The following EML6 variants were observed in gnomAD, a reference collection of about 807,000 sequenced individuals.
EML6 encodes echinoderm microtubule-associated protein-like 6.
In EML6, 154 loss-of-function variants were observed where a neutral mutation model predicts 240.1. The ratio of observed to expected loss-of-function variants is 0.64; its 90% CI spans 0.56 to 0.73. EML6 has a LOEUF of 0.73. Ranked by LOEUF, EML6 falls within the 30% of genes least tolerant of loss-of-function variation. The pLI is 0.00. For missense variants in EML6, 2,964 were observed against 2,474.6 expected, an observed-to-expected ratio of 1.20 and a Z score of -4.20; for synonymous variants, 1,148 against 899.0, an observed-to-expected ratio of 1.28 and a Z score of -4.95.
At position 54,923,367 on chromosome 2, in the gene EML6, GCACACACA is replaced by G. The variant is rs113101367; in HGVS notation, c.3676-4915_3676-4908del. Among the ~76,000 whole-genome samples, 375 of 144,456 alleles carry G rather than the reference GCACACACA, an allele frequency of 2.6e-3. 1 individual carries two copies. The highest frequency in any genetic ancestry group is 7.8e-3 in the African/African-American group (303 of 39,014). 94.8% of individuals were successfully genotyped at this position (144,456 alleles called of 152,430 possible). A position where few individuals can be genotyped will look rare whatever the true frequency, so the allele number is the denominator to read the frequency against. On this transcript the variant is annotated intron_variant, in intron 26 of 41. Coordinates refer to ENST00000356458, the MANE Select transcript of EML6 (RefSeq NM_001039753.4). ...TAGATCCTAAGTGTCCTCACCAAACGCACACACACACACACACACACACACACACACAC... is the reference window on the plus strand; with the variant it reads ...TAGATCCTAAGTGTCCTCACCAAACGCACACACACACACACACACACACAC...
chr2:54,950,611 T>G, intron 29 of EML6, 39 bp from the exon 30 acceptor site: 2 of 1,548,576 alleles, frequency 1.3e-6, no homozygotes, highest in Admixed American at 2.0e-5. Flanking sequence ...CTCCCTTCCT[T>G]CCTCTGAGGG....
chr2:54,891,369 GA>G (rs762499748), intron 18 of EML6, among the ~76,000 whole-genome samples: 30 of 152,190 alleles, frequency 2.0e-4, no homozygotes, highest in Non-Finnish European at 4.1e-4. Context: ...GAAAGCTTTG[GA>G]AAATGTTCTG....
At chr2:54,853,587 A>G (rs1209846477) in intron 10 of EML6, 56 bp from the exon 11 acceptor site, 1 of 1,105,180 alleles carries the variant, frequency 9.0e-7, no homozygotes, top group East Asian at 2.8e-5. Context: ...CTTTATAAAA[A>G]ATAAATTAGA....
chr2:54,902,990 T>A, intron 22 of EML6, 54 bp from the exon 23 acceptor site: 1 of 1,496,696 alleles, frequency 6.7e-7, no homozygotes, highest in Non-Finnish European at 9.1e-7. Context: ...TTCATGTGGT[T>A]TGCTTGACAG....
chr2:54,734,207 G>A (rs568287113), intron 2 of EML6, among the ~76,000 whole-genome samples: 17 of 152,250 alleles, frequency 1.1e-4, no homozygotes, highest in Middle Eastern at 3.4e-3. Context: ...GCATGATGGC[G>A]GGTGCCTGTA....
intron 2 of EML6, among the ~76,000 whole-genome samples, chr2:54,807,541 C>T (rs185457849): frequency 3.9e-5 from 6 of 152,144 alleles, no homozygotes. Flanking sequence ...TGTAAATATA[C>T]CCACTATGGC....
intron 8 of EML6, among the ~76,000 whole-genome samples, chr2:54,844,619 G>T (rs1311057580): frequency 6.6e-6 from 1 of 152,156 alleles, no homozygotes; most frequent in Non-Finnish European, 1.5e-5. Flanking sequence ...TTTGTTAAAG[G>T]CTCTCTCATT....
At chr2:54,767,693 T>G (rs1250559620) in intron 2 of EML6, among the ~76,000 whole-genome samples, 1 of 151,926 alleles carries the variant, frequency 6.6e-6, no homozygotes, top group Non-Finnish European at 1.5e-5. Context: ...TTTTATTTTT[T>G]GTAGAGACGG....
chr2:54,786,765 G>A (rs1669117645), intron 2 of EML6, among the ~76,000 whole-genome samples: 1 of 152,202 alleles, frequency 6.6e-6, no homozygotes, highest in South Asian at 2.1e-4. Flanking sequence ...TGTTAAGACA[G>A]CTGGTCTCTA....
chr2:54,890,878 G>T (rs1018537837), intron 17 of EML6, among the ~76,000 whole-genome samples, 176 bp from the exon 18 acceptor site: 1 of 152,164 alleles, frequency 6.6e-6, no homozygotes, highest in Non-Finnish European at 1.5e-5. Context: ...GTTCAAACAT[G>T]CAAAGAAAAG....
At chr2:54,890,958 T>C (rs1177839809) in intron 17 of EML6, 96 bp from the exon 18 acceptor site, 1 of 550,968 alleles carries the variant, frequency 1.8e-6, no homozygotes, top group African/African-American at 1.8e-5. Context: ...ATGGTCCTGT[T>C]AGATGTGCTT....
intron 28 of EML6, among the ~76,000 whole-genome samples, chr2:54,936,976 T>C (rs1173709787): frequency 6.6e-6 from 1 of 151,496 alleles, no homozygotes; most frequent in African/African-American, 2.4e-5. Context: ...CTCTTTTTTT[T>C]TTTTTTTTTT....
In EML6 at chr2:54,871,640, T is replaced by TTG. The variant is rs545494418; in HGVS notation, c.2344+36_2344+37dup. 9.5e-5 allele frequency: 136 copies of TTG among 1,431,828 alleles called. No individual in the cohort carries two copies. The African/African-American group carries it at 1.8e-3, about 19-fold the overall frequency. 88.7% of individuals were successfully genotyped at this position (1,431,828 alleles called of 1,614,324 possible). On this transcript the variant is annotated intron_variant, in intron 16 of 41. Transcript: ENST00000356458. The stretch of plus-strand genomic sequence containing the variant: ...AGAGTGATTGACACATGGTTCTACG[T>TTG]TGAGAGAGAGAGAGACACAGAGAGA...
intron 2 of EML6, among the ~76,000 whole-genome samples, chr2:54,778,891 C>CAAAAAA (rs556068541): frequency 5.4e-4 from 54 of 99,574 alleles, no homozygotes; most frequent in African/African-American, 2.0e-3. Context: ...GACTCCATCT[C>CAAAAAA]AAAAAAAAAA....
Position 54,962,599 on chromosome 2 carries a change from T to G in EML6, c.5045T>G (p.Ile1682Ser). The G allele has an allele frequency of 1.3e-6, 2 of 1,549,912 alleles. No individual in the cohort carries two copies. Among genetic ancestry groups the G allele is most frequent in the Non-Finnish European group, 1.7e-6 (2 of 1,146,112 alleles). Residue 1682 changes from isoleucine (I) to serine (S), a missense_variant, in exon 36 of 42, where the codon ATT becomes AGT. Ile to Ser is a moderately radical substitution (Grantham distance 142). Transcript: ENST00000356458. Reference protein sequence around the residue: ...GEKNAASNILIDGHMEGEIWG... With the variant: ...GEKNAASNILSDGHMEGEIWG... ...AAAAATGCTGCTTCTAACATCCTGA[T>G]TGATGGTCACATGGAAGGGGAGATC...
intron 9 of EML6, among the ~76,000 whole-genome samples, chr2:54,848,702 G>T (rs1416849920): frequency 6.6e-6 from 1 of 152,060 alleles, no homozygotes; most frequent in African/African-American, 2.4e-5. Flanking sequence ...ATCTTTACTG[G>T]CTCAGGGGAC....
intron 2 of EML6, chr2:54,747,415 A>T (rs943216219): frequency 1.3e-5 from 2 of 152,188 alleles, no homozygotes; most frequent in Non-Finnish European, 2.9e-5. Flanking sequence ...TGCTAGACTG[A>T]TGTTCAGGTG....
intron 6 of EML6, among the ~76,000 whole-genome samples, chr2:54,828,444 T>C (rs533659712): frequency 5.7e-4 from 87 of 152,366 alleles, no homozygotes; most frequent in African/African-American, 1.9e-3. Flanking sequence ...AGGCAAAGCC[T>C]ATCATAGTGA....
chr2:54,727,377 G>A (rs1378909717), intron 2 of EML6, among the ~76,000 whole-genome samples: 1 of 152,074 alleles, frequency 6.6e-6, no homozygotes, highest in African/African-American at 2.4e-5. Context: ...ATAAAATTAA[G>A]TTCAATGAAT....
Sources: gnomAD v4.1 joint callset for allele counts (sites outside exome capture counted in the v4.1 genomes callset) on GRCh38, gnomAD v4.1.1 for gene constraint, MANE v1.5 for transcripts, NCBI Gene and HGNC (gene_info 2026-07-23, HGNC 2026-07-21) for gene names.